The following CTNNA3 variants were observed in gnomAD, a reference collection of about 807,000 sequenced individuals.
CTNNA3 encodes the protein catenin alpha 3.
A neutral mutation model predicts 95.7 loss-of-function variants in CTNNA3; 76 were observed. That is an observed-to-expected ratio of 0.79 (90% CI 0.66 to 0.96). CTNNA3 has a LOEUF of 0.96. Among genes scored for constraint, CTNNA3 ranks in the 40% least tolerant of loss-of-function variants. CTNNA3 has a pLI of 0.00. For missense variants in CTNNA3, 1,191 were observed against 1,089.8 expected (o/e 1.09, Z -1.31); for synonymous variants, 431 against 374.4 (o/e 1.15, Z -1.74).
At chr10:67,105,218 T>C (rs1450014813) in intron 7 of CTNNA3, among the ~76,000 whole-genome samples, 2 of 133,408 alleles carry the variant, frequency 1.5e-5, no homozygotes, top group African/African-American at 2.7e-5. Flanking sequence ...GTATTTGTGA[T>C]GGCAATACAT....
At chr10:66,406,141 G>A (rs1198174294) in intron 11 of CTNNA3, among the ~76,000 whole-genome samples, 2 of 152,092 alleles carry the variant, frequency 1.3e-5, no homozygotes, top group Non-Finnish European at 1.5e-5. Flanking sequence ...GAGAACTAAT[G>A]AAAATAATTT....
chr10:67,043,134 TC>T (rs1554904429), intron 7 of CTNNA3, among the ~76,000 whole-genome samples: 5,294 of 48,474 alleles, frequency 0.11, 158 homozygotes, highest in Non-Finnish European at 0.19. Flanking sequence ...TCACTTTCTT[TC>T]TTTTTTTTTT....
chr10:66,114,487 T>G (rs753814018), intron 13 of CTNNA3, among the ~76,000 whole-genome samples: 2 of 147,884 alleles, frequency 1.4e-5, no homozygotes, highest in Non-Finnish European at 3.0e-5. Context: ...TGTATATATG[T>G]GTATATATGT....
rs1412461798 is a variant in CTNNA3 at position 66,950,811 on chromosome 10, G to A, written c.1048-175287C>T. The stretch of plus-strand genomic sequence containing the variant: ...TCATATAAGGGCCACACTGTGTGAG[G>A]GGCATAGAGAGAGATTTTAGAGGCT... On this transcript the variant is annotated intron_variant, in intron 7 of 17. Coordinates refer to ENST00000433211, the MANE Select transcript of CTNNA3 (RefSeq NM_013266.4). Among the ~76,000 whole-genome samples, 7 of 152,096 alleles carry A rather than the reference G, an allele frequency of 4.6e-5. No individual in the cohort carries two copies. The South Asian group carries it at 1.2e-3, about 27-fold the overall frequency.
chr10:67,675,400 A>G (rs1471928912), intron 1 of CTNNA3, among the ~76,000 whole-genome samples: 3 of 152,126 alleles, frequency 2.0e-5, no homozygotes, highest in African/African-American at 7.2e-5. Flanking sequence ...AGCTTGCCCC[A>G]GGCTATAGTT....
intron 13 of CTNNA3, among the ~76,000 whole-genome samples, chr10:66,180,484 CAT>C (rs931682236): frequency 2.0e-5 from 3 of 152,056 alleles, no homozygotes; most frequent in Non-Finnish European, 4.4e-5. Flanking sequence ...CTTTTGGAAA[CAT>C]AAAGGTAGAG....
chr10:66,201,124 C>T (rs1327892720), intron 13 of CTNNA3, among the ~76,000 whole-genome samples: 2 of 152,172 alleles, frequency 1.3e-5, no homozygotes, highest in Non-Finnish European at 2.9e-5. Flanking sequence ...TTACCTAATA[C>T]ATTTCTACTT....
chr10:67,666,231 A>G (rs1037637982), intron 1 of CTNNA3, among the ~76,000 whole-genome samples: 2 of 152,162 alleles, frequency 1.3e-5, no homozygotes, highest in African/African-American at 4.8e-5. Context: ...TCACCTTCAT[A>G]TATTTGTCAA....
At chr10:66,545,583 A>C (rs527270699) in intron 10 of CTNNA3, among the ~76,000 whole-genome samples, 27 of 152,188 alleles carry the variant, frequency 1.8e-4, no homozygotes, top group Admixed American at 1.1e-3. Context: ...AGAGTGTATT[A>C]ACTTTTCATT....
chr10:66,149,472 G>A (rs988362803), intron 13 of CTNNA3, among the ~76,000 whole-genome samples: 1 of 151,120 alleles, frequency 6.6e-6, no homozygotes, highest in Admixed American at 6.6e-5. Context: ...AACTTCATTA[G>A]TTAAATGGGT....
chr10:65,971,692 A>C (rs56144529), intron 16 of CTNNA3, among the ~76,000 whole-genome samples: 11,037 of 151,780 alleles, frequency 0.073, 424 homozygotes, highest in South Asian at 0.11. Flanking sequence ...CCCACCACCA[A>C]CAACAACAAA....
intron 7 of CTNNA3, among the ~76,000 whole-genome samples, chr10:66,937,742 A>G (rs899793829): frequency 6.6e-5 from 10 of 151,856 alleles, no homozygotes; most frequent in African/African-American, 2.2e-4. Context: ...ATGCTTCCCA[A>G]TCTCTGTGCT....
chr10:65,966,183 CTA>C (rs1209383423), intron 17 of CTNNA3, among the ~76,000 whole-genome samples: 1 of 152,044 alleles, frequency 6.6e-6, no homozygotes, highest in African/African-American at 2.4e-5. Flanking sequence ...ACATGAACAT[CTA>C]TGTTATAAAA....
intron 3 of CTNNA3, among the ~76,000 whole-genome samples, chr10:67,554,063 T>A (rs1358072928): frequency 2.6e-5 from 4 of 151,686 alleles, no homozygotes; most frequent in African/African-American, 9.8e-5. Flanking sequence ...TCCAGCTTCA[T>A]CCATGTCCCT....
At chr10:65,927,149 G>T (rs916802884) in intron 17 of CTNNA3, among the ~76,000 whole-genome samples, 1 of 151,996 alleles carries the variant, frequency 6.6e-6, no homozygotes, top group African/African-American at 2.4e-5. Flanking sequence ...CAGGGAGAAT[G>T]ATTTCAATAT....
intron 12 of CTNNA3, among the ~76,000 whole-genome samples, chr10:66,364,620 A>T (rs2092698875): frequency 6.6e-6 from 1 of 152,188 alleles, no homozygotes; most frequent in African/African-American, 2.4e-5. Flanking sequence ...TGCATTGTAG[A>T]CAAATGAGTC....
chr10:66,857,922 C>T (rs945624028), intron 7 of CTNNA3, among the ~76,000 whole-genome samples: 2 of 152,076 alleles, frequency 1.3e-5, no homozygotes, highest in Non-Finnish European at 2.9e-5. Flanking sequence ...ACTGGTCTGG[C>T]TAGAACTTTC....
intron 10 of CTNNA3, among the ~76,000 whole-genome samples, chr10:66,620,583 G>A (rs993937943): frequency 1.3e-5 from 2 of 152,168 alleles, no homozygotes; most frequent in Non-Finnish European, 2.9e-5. Flanking sequence ...CTTAAAGAGT[G>A]TTGATGGGAG....
intron 5 of CTNNA3, among the ~76,000 whole-genome samples, chr10:67,433,954 C>T (rs562037723): frequency 6.6e-6 from 1 of 151,914 alleles, no homozygotes; most frequent in Non-Finnish European, 1.5e-5. Context: ...CTTGAACTTC[C>T]CTCTCCAACA....
Sources: allele counts gnomAD v4.1 joint callset (sites outside exome capture counted in the v4.1 genomes callset), GRCh38; gene constraint gnomAD v4.1.1; transcripts MANE v1.5; gene names NCBI Gene and HGNC (gene_info 2026-07-23, HGNC 2026-07-21).